Variants in LRMDA observed in about 807,000 individuals in gnomAD.
LRMDA encodes the protein leucine rich melanocyte differentiation associated, also known as leucine-rich melanocyte differentiation-associated protein.
Under a neutral mutation model 29.8 loss-of-function variants are expected in LRMDA, and 18 were observed. That is an observed-to-expected ratio of 0.60 (90% CI 0.42 to 0.90). The LOEUF is 0.90. Among genes scored for constraint, LRMDA ranks in the 40% least tolerant of loss-of-function variants. The pLI, the probability that LRMDA is intolerant of heterozygous loss-of-function variation, is 0.00. For synonymous variants in LRMDA, 125 were observed against 109.4 expected (o/e 1.14, Z -0.89); for missense variants, 273 against 273.9 (o/e 1.00, Z 0.02).
chr10:75,857,104 A>T (rs965968248), intron 2 of LRMDA, among the ~76,000 whole-genome samples: 1 of 152,188 alleles, frequency 6.6e-6, no homozygotes, highest in African/African-American at 2.4e-5. Context: ...AGCTTCTCTG[A>T]GCCTCTGTTT....
chr10:75,566,979 A>G (rs1840380414), intron 2 of LRMDA, among the ~76,000 whole-genome samples: 1 of 151,870 alleles, frequency 6.6e-6, no homozygotes, highest in Non-Finnish European at 1.5e-5. Flanking sequence ...TTCCTTCCCT[A>G]CCTATCAGTC....
chr10:76,025,215 C>T (rs773934573), intron 2 of LRMDA, among the ~76,000 whole-genome samples: 13 of 150,834 alleles, frequency 8.6e-5, no homozygotes, highest in East Asian at 2.0e-4. Context: ...AGGAAAGATT[C>T]GCTTTGAGGA....
At chr10:76,167,481 G>C (rs1850761767) in intron 5 of LRMDA, among the ~76,000 whole-genome samples, 1 of 152,206 alleles carries the variant, frequency 6.6e-6, no homozygotes, top group South Asian at 2.1e-4. Context: ...TGGCTGGCCA[G>C]TTATCTCAGC....
At chr10:76,416,730 T>A (rs1406493414) in intron 6 of LRMDA, among the ~76,000 whole-genome samples, 1 of 152,222 alleles carries the variant, frequency 6.6e-6, no homozygotes, top group African/African-American at 2.4e-5. Context: ...CGTAATAATA[T>A]CACTGCCTTC....
chr10:75,523,428 C>T (rs368314064), intron 2 of LRMDA, among the ~76,000 whole-genome samples: 3 of 152,108 alleles, frequency 2.0e-5, no homozygotes, highest in African/African-American at 4.8e-5. Context: ...TTCTGCTGCC[C>T]GGGGGCCTCT....
At chr10:75,458,085 T>C (rs561943188) in intron 2 of LRMDA, among the ~76,000 whole-genome samples, 8 of 152,306 alleles carry the variant, frequency 5.3e-5, no homozygotes, top group African/African-American at 1.9e-4. Flanking sequence ...TGTGAAATAT[T>C]GAGTAGGTCA....
chr10:76,550,231 A>G (rs1413712526), intron 6 of LRMDA, among the ~76,000 whole-genome samples: 1 of 152,236 alleles, frequency 6.6e-6, no homozygotes, highest in Non-Finnish European at 1.5e-5. Flanking sequence ...TGAATAATTA[A>G]TGCTTTCTCA....
At chr10:76,511,161 G>C (rs1843006250) in intron 6 of LRMDA, among the ~76,000 whole-genome samples, 1 of 152,148 alleles carries the variant, frequency 6.6e-6, no homozygotes, top group South Asian at 2.1e-4. Context: ...AGAGTGTATG[G>C]AAACATTTAT....
chr10:76,383,415 C>CTTTTTTTT (rs1157185768), intron 6 of LRMDA, among the ~76,000 whole-genome samples: 1 of 87,288 alleles, frequency 1.1e-5, no homozygotes. Flanking sequence ...AATGTCTTTT[C>CTTTTTTTT]TTTTTTTTTT....
chr10:75,611,835 C>T (rs1474120739), intron 2 of LRMDA, among the ~76,000 whole-genome samples: 1 of 152,222 alleles, frequency 6.6e-6, no homozygotes, highest in African/African-American at 2.4e-5. Flanking sequence ...TCAGCTAGTG[C>T]ACAACCTGAA....
intron 5 of LRMDA, among the ~76,000 whole-genome samples, chr10:76,317,762 C>G (rs538915035): frequency 6.6e-6 from 1 of 152,208 alleles, no homozygotes; most frequent in East Asian, 1.9e-4. Context: ...TTAGTAGAGA[C>G]AAGGTTTCAC....
chr10:75,756,905 A>G (rs1843039041), intron 2 of LRMDA, among the ~76,000 whole-genome samples: 1 of 152,220 alleles, frequency 6.6e-6, no homozygotes, highest in African/African-American at 2.4e-5. Context: ...CACTTTCTCA[A>G]TCATTTAGGG....
At chr10:76,467,920 C>G (rs1475301707) in intron 6 of LRMDA, among the ~76,000 whole-genome samples, 1 of 152,158 alleles carries the variant, frequency 6.6e-6, no homozygotes, top group Non-Finnish European at 1.5e-5. Flanking sequence ...TGGGTATATA[C>G]TTGCTTTTGT....
In LRMDA at chr10:76,290,178, G is replaced by T. The variant is rs112503176; in HGVS notation, c.517-34223G>T. Among the ~76,000 whole-genome samples the T allele has an allele frequency of 2.5e-3, 388 of 152,220 alleles. 3 individuals are homozygous for T. The highest frequency in any genetic ancestry group is 0.014 in the Middle Eastern group (4 of 294). On this transcript the variant is annotated intron_variant, in intron 5 of 6. Transcript: ENST00000611255. ...ATCCTAAATACTCCCAAACTTTATT[G>T]TTACAATCTCTTTAATGGGCCTTAT...
At chr10:75,475,333 T>A (rs2132048846) in intron 2 of LRMDA, among the ~76,000 whole-genome samples, 1 of 152,302 alleles carries the variant, frequency 6.6e-6, no homozygotes, top group African/African-American at 2.4e-5. Flanking sequence ...CTAGAGCCCA[T>A]GCCTTATGGA....
At chr10:76,206,440 A>G (rs898403797) in intron 5 of LRMDA, among the ~76,000 whole-genome samples, 2 of 152,172 alleles carry the variant, frequency 1.3e-5, no homozygotes, top group African/African-American at 2.4e-5. Context: ...GTAGTACAGG[A>G]AAGTATGCAT....
At chr10:75,879,317 GC>G (rs1331401604) in intron 2 of LRMDA, among the ~76,000 whole-genome samples, 2 of 152,158 alleles carry the variant, frequency 1.3e-5, no homozygotes, top group African/African-American at 4.8e-5. Context: ...GCTTCCATTA[GC>G]CCTGCGTACC....
At chr10:76,310,322 A>C (rs775680701) in intron 5 of LRMDA, among the ~76,000 whole-genome samples, 2 of 152,196 alleles carry the variant, frequency 1.3e-5, no homozygotes, top group Non-Finnish European at 2.9e-5. Context: ...TAAGGAAGAA[A>C]TATCAGATGT....
Position 75,634,651 on chromosome 10 carries a change from T to C in LRMDA, c.131+196157T>C, listed in dbSNP as rs560438168. ...AGATAAGAAATTGAAAACAGAGGTA[T>C]AAGGAATGAAAAGGAGGAGATAAAC... On this transcript the variant is annotated intron_variant, in intron 2 of 6. Coordinates refer to ENST00000611255, the MANE Select transcript of LRMDA (RefSeq NM_001305581.2). Among the ~76,000 whole-genome samples the C allele has an allele frequency of 6.6e-5, 10 of 152,306 alleles. 1 individual carries two copies. Among genetic ancestry groups the C allele is most frequent in the Middle Eastern group, 6.8e-3 (2 of 294 alleles).
Sources: allele counts gnomAD v4.1 joint callset (sites outside exome capture counted in the v4.1 genomes callset), GRCh38; gene constraint gnomAD v4.1.1; transcripts MANE v1.5; gene names NCBI Gene and HGNC (gene_info 2026-07-23, HGNC 2026-07-21).